The following AAK1 variants were observed in gnomAD, a reference collection of about 807,000 sequenced individuals.
The protein encoded by AAK1 is AP2 associated kinase 1.
AAK1 carries 37 observed loss-of-function variants against 116.0 expected under a neutral mutation model. That is an observed-to-expected ratio of 0.32 (90% CI 0.25 to 0.42). The LOEUF (loss-of-function observed/expected upper bound fraction) is 0.42. Ranked by LOEUF, AAK1 falls within the 10% of genes least tolerant of loss-of-function variation. The pLI, the probability that AAK1 is intolerant of heterozygous loss-of-function variation, is 1.00. For synonymous variants in AAK1, 458 were observed against 439.9 expected, an observed-to-expected ratio of 1.04 and a Z score of -0.51; for missense variants, 919 against 1,170.6, an observed-to-expected ratio of 0.79 and a Z score of 3.14.
At chr2:69,636,290 T>C (rs1187271232) in intron 2 of AAK1, among the ~76,000 whole-genome samples, 4 of 152,222 alleles carry the variant, frequency 2.6e-5, no homozygotes. Context: ...ATACTCTTCA[T>C]ACATAGTCAC....
intron 5 of AAK1, among the ~76,000 whole-genome samples, chr2:69,535,115 C>T (rs1670408930): frequency 6.6e-6 from 1 of 152,194 alleles, no homozygotes; most frequent in South Asian, 2.1e-4. Context: ...CATCTAAAAC[C>T]ATGCTTCTCC....
chr2:69,505,964 C>T (rs560561029), intron 15 of AAK1, among the ~76,000 whole-genome samples: 12 of 152,318 alleles, frequency 7.9e-5, no homozygotes, highest in South Asian at 6.2e-4. Context: ...CTTAACACTA[C>T]GGAACTGCAC....
At chr2:69,542,432 T>G in intron 5 of AAK1, 91 bp downstream of exon 5, 1 of 1,472,380 alleles carries the variant, frequency 6.8e-7, no homozygotes, top group South Asian at 1.3e-5. Flanking sequence ...TATCTTAAAT[T>G]TCTCTCATAT....
At chr2:69,500,690 TATATATATAC>T (rs1224491648) in intron 16 of AAK1, among the ~76,000 whole-genome samples, 6 of 114,076 alleles carry the variant, frequency 5.3e-5, no homozygotes, top group Admixed American at 2.0e-4. Context: ...TATATATATA[TATATATATAC>T]ACACACACAC....
intron 2 of AAK1, among the ~76,000 whole-genome samples, chr2:69,621,001 A>C (rs1674594947): frequency 6.6e-6 from 1 of 152,196 alleles, no homozygotes. Context: ...CCTTTGCCCA[A>C]CTCTCACTGT....
At chr2:69,630,030 A>T (rs1675092909) in intron 2 of AAK1, among the ~76,000 whole-genome samples, 1 of 152,134 alleles carries the variant, frequency 6.6e-6, no homozygotes, top group Admixed American at 6.5e-5. Flanking sequence ...CCATGAGTAA[A>T]GAACTGGAAA....
chr2:69,629,353 G>A (rs1675057778), intron 2 of AAK1, among the ~76,000 whole-genome samples: 1 of 152,156 alleles, frequency 6.6e-6, no homozygotes, highest in Non-Finnish European at 1.5e-5. Flanking sequence ...TGAGCTAATT[G>A]TCTCCATCTT....
intron 16 of AAK1, among the ~76,000 whole-genome samples, chr2:69,500,748 TTGGAGTAAATATAAAGTAG>T (rs1675952428): frequency 7.6e-6 from 1 of 131,998 alleles, no homozygotes; most frequent in Non-Finnish European, 1.6e-5. Context: ...TTTGCAGCCT[TTGGAGTAAATATAAAGTAG>T]TGGAAAGGCA....
At chr2:69,498,909 G>A (rs1053355772) in intron 16 of AAK1, among the ~76,000 whole-genome samples, 4 of 152,198 alleles carry the variant, frequency 2.6e-5, no homozygotes, top group East Asian at 1.9e-4. Context: ...TCAACTAGAT[G>A]GGTAACAGGC....
At position 69,520,843 on chromosome 2, in the gene AAK1, G is replaced by C; in HGVS notation, c.1201C>G (p.Gln401Glu). 6.4e-7 allele frequency: 1 copy of C among 1,551,644 alleles called. No individual in the cohort carries two copies. Among genetic ancestry groups the C allele is most frequent in the Non-Finnish European group, 8.7e-7 (1 of 1,155,660 alleles). Reference sequence around the variant, plus strand: ...CAATCTAGATACAAACCTGCAGCCTGAGGTGGGGGCTGAACAGTGGCCCTC... The same window carrying C: ...CAATCTAGATACAAACCTGCAGCCTCAGGTGGGGGCTGAACAGTGGCCCTC... ...RKRATVQPPP[Q>E]AAGSSNQPGL... The change falls in exon 11 of 22, where the codon CAG becomes GAG. Residue 401 changes from glutamine to glutamate, a missense_variant. Gln to Glu is a conservative substitution (Grantham distance 29). Coordinates refer to ENST00000409085, the MANE Select transcript of AAK1 (RefSeq NM_014911.5).
chr2:69,642,863 T>C lies in AAK1; in HGVS notation c.163+15A>G, dbSNP rs1304295370. ...CACAAGATTTTAATTTACGGCGCATTGAGCCCCACCGTACCTTCCGCCAAC... is the reference window on the plus strand; with the variant it reads ...CACAAGATTTTAATTTACGGCGCATCGAGCCCCACCGTACCTTCCGCCAAC... On this transcript the variant is annotated intron_variant, in intron 2 of 21. Transcript: ENST00000409085. The C allele has an allele frequency of 3.1e-6, 5 of 1,613,678 alleles. No individual in the cohort carries two copies. Among genetic ancestry groups the C allele is most frequent in the Non-Finnish European group, 4.2e-6 (5 of 1,179,848 alleles).
intron 2 of AAK1, among the ~76,000 whole-genome samples, chr2:69,623,565 G>A (rs535781666): frequency 1.4e-4 from 22 of 152,266 alleles, no homozygotes; most frequent in East Asian, 5.8e-4. Flanking sequence ...ATGACTGTAA[G>A]CACTTTGGGA....
At chr2:69,532,403 C>A (rs1213232876) in intron 5 of AAK1, among the ~76,000 whole-genome samples, 1 of 152,110 alleles carries the variant, frequency 6.6e-6, no homozygotes, top group Non-Finnish European at 1.5e-5. Flanking sequence ...GTGGGGGATG[C>A]AAGAGTGCCA....
chr2:69,616,699 C>T (rs1192803688), intron 2 of AAK1, among the ~76,000 whole-genome samples: 1 of 152,146 alleles, frequency 6.6e-6, no homozygotes, highest in Non-Finnish European at 1.5e-5. Flanking sequence ...CTAGATATTG[C>T]CAAGTGTCTC....
At chr2:69,535,452 G>T (rs1191367538) in intron 5 of AAK1, among the ~76,000 whole-genome samples, 2 of 152,092 alleles carry the variant, frequency 1.3e-5, no homozygotes, top group Non-Finnish European at 2.9e-5. Flanking sequence ...ACACAACAAG[G>T]TCTATCCTCT....
At chr2:69,486,047 C>T (rs908244825) in intron 17 of AAK1, among the ~76,000 whole-genome samples, 3 of 151,910 alleles carry the variant, frequency 2.0e-5, no homozygotes, top group South Asian at 2.1e-4. Context: ...CTCGAACTCT[C>T]GGGCTCAACA....
intron 2 of AAK1, among the ~76,000 whole-genome samples, chr2:69,618,207 C>A (rs1420749248): frequency 6.6e-6 from 1 of 151,734 alleles, no homozygotes; most frequent in Admixed American, 6.6e-5. Flanking sequence ...AAAAAGAATT[C>A]ATGTACACAT....
rs1553407377 is a variant in AAK1 at position 69,472,064 on chromosome 2, C to A, written c.*3805G>T. ...AACTTCTTTCAGAGGTGTTTTAATA[C>A]CCATATCTTTCAATGTTTTAAACCA... On this transcript the variant is annotated 3_prime_UTR_variant, in exon 22 of 22. Coordinates refer to ENST00000409085, the MANE Select transcript of AAK1 (RefSeq NM_014911.5). 1.0e-6 allele frequency: 1 copy of A among 985,090 alleles called. No homozygotes were observed. The highest frequency in any genetic ancestry group is 1.2e-6 in the Non-Finnish European group (1 of 829,708). The allele number at this position is 985,090 out of a possible 1,614,324, so 61.0% of individuals were successfully genotyped here.
intron 2 of AAK1, among the ~76,000 whole-genome samples, chr2:69,565,338 TAAACCTTGTGCAGTTTAATGA>T (rs556628710): frequency 6.6e-6 from 1 of 152,364 alleles, no homozygotes; most frequent in Admixed American, 6.5e-5. Context: ...AAAAATCTCT[TAAACCTTGTGCAGTTTAATGA>T]AAACACATTT....
Sources: gnomAD v4.1 joint callset for allele counts (sites outside exome capture counted in the v4.1 genomes callset) on GRCh38, gnomAD v4.1.1 for gene constraint, MANE v1.5 for transcripts, NCBI Gene and HGNC (gene_info 2026-07-23, HGNC 2026-07-21) for gene names.